Variants in DAB1 observed in about 807,000 individuals in gnomAD.
DAB1 encodes disabled homolog 1.
Under a neutral mutation model 64.6 loss-of-function variants are expected in DAB1, and 15 were observed. The ratio of observed to expected loss-of-function variants is 0.23; its 90% CI spans 0.16 to 0.36. The LOEUF is 0.36. Ranked by LOEUF, DAB1 falls within the 10% of genes least tolerant of loss-of-function variation. The probability of loss-of-function intolerance (pLI) is 1.00; values close to 1 mark genes in which losing one functional copy is unlikely to be tolerated. For synonymous variants in DAB1, 235 were observed against 251.9 expected, an observed-to-expected ratio of 0.93 and a Z score of 0.64; for missense variants, 596 against 706.7, an observed-to-expected ratio of 0.84 and a Z score of 1.78.
chr1:57,592,313 A>C (rs1645454685), intron 7 of DAB1, among the ~76,000 whole-genome samples: 1 of 152,194 alleles, frequency 6.6e-6, no homozygotes, highest in Admixed American at 6.5e-5. Flanking sequence ...TGAAGCCACC[A>C]GGTCTGTTTG....
chr1:58,116,024 C>CA (rs1317219275), intron 5 of DAB1, among the ~76,000 whole-genome samples: 5 of 149,356 alleles, frequency 3.3e-5, no homozygotes, highest in African/African-American at 7.4e-5. Flanking sequence ...TTCATCTATA[C>CA]AAAAAAAATA....
rs866464069 is a variant in DAB1 at position 57,551,802 on chromosome 1, C to G, written n.625+97790G>C. 2.0e-5 allele frequency among the ~76,000 whole-genome samples: 3 copies of G among 152,208 alleles called. No individual in the cohort carries two copies. In the South Asian group the frequency reaches 6.2e-4, roughly 32 times the overall value. On this transcript the variant is annotated intron_variant and non_coding_transcript_variant, in intron 7 of 20. Transcript: ENST00000485760. ...ACCATTTTCTTGATGGATTAATTTA[C>G]AAGCAAAAAGTGTCAGAGGAGAGAT...
intron 2 of DAB1, among the ~76,000 whole-genome samples, chr1:57,283,640 C>T (rs1295160825): frequency 6.6e-6 from 1 of 152,218 alleles, no homozygotes; most frequent in South Asian, 2.1e-4. Context: ...TGTGCTGAGC[C>T]TTGACTCCAA....
chr1:57,909,940 A>G (rs749069), intron 5 of DAB1, among the ~76,000 whole-genome samples: 3,858 of 152,244 alleles, frequency 0.025, 147 homozygotes, highest in African/African-American at 0.083. Flanking sequence ...AGCACCTCAC[A>G]TATTTATATA....
intron 4 of DAB1, among the ~76,000 whole-genome samples, chr1:58,176,575 A>G (rs1473865524): frequency 2.0e-5 from 3 of 152,188 alleles, no homozygotes; most frequent in East Asian, 1.9e-4. Flanking sequence ...TACCATCACA[A>G]GACAGAAGGC....
At chr1:57,222,167 T>C (rs571636862) in intron 2 of DAB1, among the ~76,000 whole-genome samples, 1 of 152,290 alleles carries the variant, frequency 6.6e-6, no homozygotes, top group South Asian at 2.1e-4. Context: ...AGAAACTTGC[T>C]TGAGGTCAAG....
chr1:57,658,535 C>A (rs1290449522), intron 6 of DAB1, among the ~76,000 whole-genome samples: 2 of 151,462 alleles, frequency 1.3e-5, no homozygotes, highest in East Asian at 3.9e-4. Flanking sequence ...GATCTCCTGA[C>A]CTTGTGATCC....
intron 2 of DAB1, among the ~76,000 whole-genome samples, chr1:57,183,819 C>T (rs1663239372): frequency 6.6e-6 from 1 of 152,034 alleles, no homozygotes; most frequent in Admixed American, 6.6e-5. Context: ...ACAGCTATAC[C>T]ACAATTAAGA....
chr1:57,526,640 TA>T (rs902478607), intron 7 of DAB1, among the ~76,000 whole-genome samples: 49 of 152,318 alleles, frequency 3.2e-4, no homozygotes, highest in African/African-American at 1.1e-3. Context: ...GATCAGAAAG[TA>T]TTTGCTGACT....
chr1:57,120,699 A>C (rs1369487039), intron 4 of DAB1, among the ~76,000 whole-genome samples: 2 of 152,214 alleles, frequency 1.3e-5, no homozygotes, highest in Non-Finnish European at 2.9e-5. Flanking sequence ...TCATAAAAGA[A>C]GACTCATATA....
At chr1:58,016,990 C>T (rs1179166577) in intron 5 of DAB1, among the ~76,000 whole-genome samples, 6 of 152,166 alleles carry the variant, frequency 3.9e-5, no homozygotes, top group East Asian at 3.9e-4. Context: ...CTCTGTTATT[C>T]GTAGATAAAG....
rs549180391 is a variant in DAB1 at position 57,182,177 on chromosome 1, G to A, written c.68-36748C>T. ...TGGGATTACAGGTGTGAGCCACCGC[G>A]TCCAGCTGCAAGTCAAGTATTCAAC... On this transcript the variant is annotated intron_variant, in intron 2 of 14. Coordinates refer to ENST00000371236, the MANE Select transcript of DAB1 (RefSeq NM_001365792.1). Among the ~76,000 whole-genome samples the A allele has an allele frequency of 1.2e-4, 19 of 152,254 alleles. No homozygotes were observed. The East Asian group carries it at 1.4e-3, about 11-fold the overall frequency.
Position 57,202,241 on chromosome 1 carries a change from T to C in DAB1, c.68-56812A>G, listed in dbSNP as rs117760423. On this transcript the variant is annotated intron_variant, in intron 2 of 14. Coordinates refer to ENST00000371236, the MANE Select transcript of DAB1 (RefSeq NM_001365792.1). ...CAATTGAGAGGCTATAGTTGGCTTA[T>C]AGGGACTGTGCTTGCAGGTGCAAAA... 1.3e-4 allele frequency among the ~76,000 whole-genome samples: 20 copies of C among 152,324 alleles called. No individual in the cohort carries two copies. In the East Asian group the frequency reaches 3.9e-3, roughly 29 times the overall value.
rs79721017 is a variant in DAB1 at position 58,283,601 on chromosome 1, G to C, written n.309+59751C>G. Among the ~76,000 whole-genome samples, 123 of 152,306 alleles carry C rather than the reference G, an allele frequency of 8.1e-4. 1 individual carries two copies. In the East Asian group the frequency reaches 0.021, roughly 26 times the overall value. ...GACACATAAGTGACTGTGCAAACTT[G>C]CGCGAGTCACTTTGTCTCTGAGCAT... On this transcript the variant is annotated intron_variant and non_coding_transcript_variant, in intron 4 of 20. Transcript: ENST00000485760.
chr1:58,526,959 G>A (rs961694369), intron 2 of DAB1, among the ~76,000 whole-genome samples: 12 of 151,926 alleles, frequency 7.9e-5, no homozygotes, highest in African/African-American at 2.9e-4. Context: ...ATTTATACAC[G>A]CAAAAAATTA....
At chr1:58,140,397 C>T (rs909952728) in intron 5 of DAB1, among the ~76,000 whole-genome samples, 1 of 152,008 alleles carries the variant, frequency 6.6e-6, no homozygotes, top group Non-Finnish European at 1.5e-5. Flanking sequence ...CCTTTGTCTC[C>T]CTCCATCATG....
At chr1:57,108,123 G>C (rs1570706212) in intron 4 of DAB1, among the ~76,000 whole-genome samples, 1 of 152,128 alleles carries the variant, frequency 6.6e-6, no homozygotes, top group African/African-American at 2.4e-5. Context: ...ATGACTTTCT[G>C]ACAGCCTCTC....
intron 5 of DAB1, among the ~76,000 whole-genome samples, chr1:58,045,019 T>C (rs954770740): frequency 4.6e-5 from 7 of 152,188 alleles, no homozygotes; most frequent in African/African-American, 1.7e-4. Context: ...TTTTCTACTA[T>C]ACAGAATGGG....
At chr1:57,495,640 T>C (rs563291292) in intron 7 of DAB1, among the ~76,000 whole-genome samples, 1 of 152,182 alleles carries the variant, frequency 6.6e-6, no homozygotes, top group South Asian at 2.1e-4. Context: ...TTCCCAGATA[T>C]TAAAACATGG....
Sources: gnomAD v4.1 joint callset for allele counts (sites outside exome capture counted in the v4.1 genomes callset) on GRCh38, gnomAD v4.1.1 for gene constraint, MANE v1.5 for transcripts, NCBI Gene and HGNC (gene_info 2026-07-23, HGNC 2026-07-21) for gene names.